The following CD2AP variants were observed in gnomAD, a reference collection of about 807,000 sequenced individuals.
CD2AP encodes CD2-associated protein.
In CD2AP, 46 loss-of-function variants were observed where a neutral mutation model predicts 85.1. That is an observed-to-expected ratio of 0.54 (90% CI 0.43 to 0.69). The LOEUF (loss-of-function observed/expected upper bound fraction) is 0.69, where lower values mean the gene tolerates loss of function less well. Among genes scored for constraint, CD2AP ranks in the 30% least tolerant of loss-of-function variants. The pLI is 0.00. For missense variants in CD2AP, 769 were observed against 729.5 expected (o/e 1.05, Z -0.62); for synonymous variants, 255 against 252.9 (o/e 1.01, Z -0.08).
intron 5 of CD2AP, among the ~76,000 whole-genome samples, chr6:47,566,617 C>T (rs906111878): frequency 4.6e-5 from 7 of 152,058 alleles, no homozygotes; most frequent in African/African-American, 9.6e-5. Flanking sequence ...TCCCTTCCCC[C>T]GCTCCTCACC....
chr6:47,523,221 T>C (rs1766641161), intron 2 of CD2AP, among the ~76,000 whole-genome samples: 1 of 152,094 alleles, frequency 6.6e-6, no homozygotes, highest in Admixed American at 6.5e-5. Flanking sequence ...TTTTGATGTT[T>C]GATTTACTTT....
chr6:47,544,557 T>C (rs903736332), intron 3 of CD2AP, 49 bp from the exon 4 acceptor site: 1 of 1,227,352 alleles, frequency 8.1e-7, no homozygotes, highest in Non-Finnish European at 1.2e-6. Flanking sequence ...ATACTGTTTT[T>C]AAAAATGATC....
chr6:47,538,328 G>A (rs1018561875), intron 3 of CD2AP, among the ~76,000 whole-genome samples: 7 of 151,918 alleles, frequency 4.6e-5, no homozygotes, highest in African/African-American at 4.8e-5. Context: ...TGCACCCTTC[G>A]CCTTCCAGGT....
intron 16 of CD2AP, among the ~76,000 whole-genome samples, chr6:47,611,580 CT>C (rs1247667995): frequency 5.3e-5 from 8 of 151,588 alleles, no homozygotes; most frequent in African/African-American, 1.7e-4. Context: ...AAATTCCTTC[CT>C]TATGTATTTT....
At chr6:47,542,743 A>G (rs1767249757) in intron 3 of CD2AP, among the ~76,000 whole-genome samples, 1 of 152,242 alleles carries the variant, frequency 6.6e-6, no homozygotes, top group African/African-American at 2.4e-5. Flanking sequence ...AAACCATATC[A>G]GATACCTAGA....
rs1162264510 is a variant in CD2AP, at chr6:47,554,781, A to T, written c.541+15A>T. The T allele has an allele frequency of 3.8e-6, 6 of 1,589,576 alleles. No individual in the cohort carries two copies. The highest frequency in any genetic ancestry group is 1.1e-5 in the South Asian group (1 of 87,740). The stretch of plus-strand genomic sequence containing the variant: ...GGACGATTCAGGTAGACTATTTTTT[A>T]AAATTTTTAATTGATTTAAATAAAC... On this transcript the variant is annotated intron_variant, in intron 5 of 17. Transcript: ENST00000359314.
At chr6:47,599,846 C>G (rs888975911) in intron 13 of CD2AP, among the ~76,000 whole-genome samples, 1 of 151,954 alleles carries the variant, frequency 6.6e-6, no homozygotes, top group Non-Finnish European at 1.5e-5. Context: ...AATTTCTCCT[C>G]TTAATCTAGA....
intron 2 of CD2AP, among the ~76,000 whole-genome samples, chr6:47,525,825 T>C (rs1406292008): frequency 6.6e-6 from 1 of 152,152 alleles, no homozygotes; most frequent in Non-Finnish European, 1.5e-5. Flanking sequence ...ATGGAGATTA[T>C]CCATATTGTA....
rs1240692548 is a variant in CD2AP at position 47,626,578 on chromosome 6, CA to C, written c.*2352del. ...TATCATTAATTTCTGAATTGTATTT[CA>C]GTGTTATTTTTTGTTTGTGACCACT... On this transcript the variant is annotated 3_prime_UTR_variant, in exon 18 of 18. Transcript: ENST00000359314. 5.3e-5 allele frequency: 8 copies of C among 152,268 alleles called. No individual in the cohort carries two copies. Among genetic ancestry groups the C allele is most frequent in the African/African-American group, 1.7e-4 (7 of 41,408 alleles). The allele number at this position is 152,268 out of a possible 1,614,324, so 9.4% of individuals were successfully genotyped here.
intron 1 of CD2AP, among the ~76,000 whole-genome samples, chr6:47,481,068 G>A (rs972786875): frequency 6.6e-6 from 1 of 152,160 alleles, no homozygotes; most frequent in African/African-American, 2.4e-5. Flanking sequence ...TTTGGGAAGA[G>A]CTCTAGGGAG....
intron 1 of CD2AP, 150 bp downstream of exon 1, chr6:47,478,398 C>T (rs1765360588): frequency 1.1e-6 from 1 of 936,030 alleles, no homozygotes; most frequent in Non-Finnish European, 1.7e-6. Flanking sequence ...CCCCTTCTTG[C>T]CCTGCCTTCC....
chr6:47,526,420 G>A (rs1039245510), intron 2 of CD2AP, among the ~76,000 whole-genome samples: 7 of 152,080 alleles, frequency 4.6e-5, no homozygotes, highest in African/African-American at 1.7e-4. Flanking sequence ...TATTTGGAAG[G>A]CTGTAAACCT....
chr6:47,525,151 A>G (rs563008276), intron 2 of CD2AP, among the ~76,000 whole-genome samples: 60 of 152,184 alleles, frequency 3.9e-4, no homozygotes, highest in Admixed American at 3.1e-3. Context: ...TTTCTAGACT[A>G]TTTTTTAAAA....
rs185335860 is a variant in CD2AP at position 47,587,816 on chromosome 6, C to T, written c.1108+5751C>T. On this transcript the variant is annotated intron_variant, in intron 11 of 17. Coordinates refer to ENST00000359314, the MANE Select transcript of CD2AP (RefSeq NM_012120.3). The stretch of plus-strand genomic sequence containing the variant: ...ATGTCCTCCTCACTTCCTATACACA[C>T]ATACACAGTCATACCCACAGAAAGA... Among the ~76,000 whole-genome samples, 144 of 152,292 alleles carry T rather than the reference C, an allele frequency of 9.5e-4. 1 individual carries two copies. The highest frequency in any genetic ancestry group is 3.3e-3 in the African/African-American group (138 of 41,564).
intron 8 of CD2AP, 51 bp from the exon 9 acceptor site, chr6:47,579,334 T>TTA: frequency 7.5e-6 from 6 of 802,500 alleles, no homozygotes; most frequent in South Asian, 3.1e-5. Context: ...CACTTTATCT[T>TTA]AAAAAAAAAA....
At chr6:47,562,890 G>A in intron 5 of CD2AP, 1 of 723,574 alleles carries the variant, frequency 1.4e-6, no homozygotes, top group South Asian at 1.5e-5. Context: ...GGAATGGGTA[G>A]GCCTCTGTAA....
chr6:47,478,439 G>A (rs1765362590), intron 1 of CD2AP, among the ~76,000 whole-genome samples, 191 bp downstream of exon 1: 2 of 151,886 alleles, frequency 1.3e-5, no homozygotes, highest in African/African-American at 4.8e-5. Flanking sequence ...AAACTGGTGG[G>A]AGAGCTCGCG....
At chr6:47,509,422 C>G (rs558291705) in intron 2 of CD2AP, among the ~76,000 whole-genome samples, 1 of 141,976 alleles carries the variant, frequency 7.0e-6, no homozygotes, top group African/African-American at 2.6e-5. Context: ...CAGTGTTGCA[C>G]AGACCTTCAA....
Position 47,599,318 on chromosome 6 carries a change from C to T in CD2AP, c.1292C>T (p.Ser431Phe), listed in dbSNP as rs147537850. ...TATTTCAGGATTAATGGGGAAGTTTCTAGCATTTCATCAAAATTTGAAACT... is the reference window on the plus strand; with the variant it reads ...TATTTCAGGATTAATGGGGAAGTTTTTAGCATTTCATCAAAATTTGAAACT... Reference protein sequence around the residue: ...PPIAKINGEVSSISSKFETEP... With the variant: ...PPIAKINGEVFSISSKFETEP... Residue 431 changes from serine (S) to phenylalanine (F), a missense_variant, in exon 13 of 18, where the codon TCT (serine) becomes TTT (phenylalanine). Physicochemically the swap from Ser to Phe is radical, Grantham distance 155 (BLOSUM62 -2). Coordinates refer to ENST00000359314, the MANE Select transcript of CD2AP (RefSeq NM_012120.3). 1.6e-4 allele frequency: 260 copies of T among 1,611,970 alleles called. No individual in the cohort carries two copies. The highest frequency in any genetic ancestry group is 2.1e-4 in the Non-Finnish European group (252 of 1,178,884).
Sources: allele counts gnomAD v4.1 joint callset (sites outside exome capture counted in the v4.1 genomes callset), GRCh38; gene constraint gnomAD v4.1.1; transcripts MANE v1.5; gene names NCBI Gene and HGNC (gene_info 2026-07-23, HGNC 2026-07-21).